Variants in AGMO observed in about 807,000 individuals in gnomAD.
The protein encoded by AGMO is glyceryl-ether monooxygenase.
Under a neutral mutation model 60.2 loss-of-function variants are expected in AGMO, and 75 were observed. That is an observed-to-expected ratio of 1.25 (90% confidence interval 1.03 to 1.51). The LOEUF (loss-of-function observed/expected upper bound fraction) is 1.51, where lower values mean the gene tolerates loss of function less well. AGMO is among the 40% of genes most tolerant of loss of function. AGMO has a pLI of 0.00. For missense variants in AGMO, 763 were observed against 525.5 expected, an observed-to-expected ratio of 1.45 and a Z score of -4.42; for synonymous variants, 261 against 177.1, an observed-to-expected ratio of 1.47 and a Z score of -3.76.
At chr7:15,156,345 G>C in the AGMO span, among the ~76,000 whole-genome samples, 1 of 88,870 alleles carries the variant, frequency 1.1e-5, no homozygotes, top group African/African-American at 3.4e-5. Flanking sequence ...CATTAACCCT[G>C]GGAGAGGCTG....
intron 12 of AGMO, among the ~76,000 whole-genome samples, chr7:15,335,623 C>A (rs1459725205): frequency 6.6e-6 from 1 of 152,136 alleles, no homozygotes; most frequent in Non-Finnish European, 1.5e-5. Context: ...AAAATATATA[C>A]TAGCGAAGGC....
At chr7:15,227,603 A>G (rs1195409132) in intron 12 of AGMO, among the ~76,000 whole-genome samples, 1 of 152,036 alleles carries the variant, frequency 6.6e-6, no homozygotes, top group African/African-American at 2.4e-5. Context: ...AATATGGCCA[A>G]CTGGAGTCTG....
At chr7:15,553,326 A>T (rs138106989) in intron 2 of AGMO, among the ~76,000 whole-genome samples, 2,257 of 151,796 alleles carry the variant, frequency 0.015, 20 homozygotes, top group African/African-American at 0.027. Context: ...TATAATAAAA[A>T]AAATAAATAA....
chr7:15,510,239 C>T (rs1055905041), intron 3 of AGMO, among the ~76,000 whole-genome samples: 1 of 152,060 alleles, frequency 6.6e-6, no homozygotes, highest in African/African-American at 2.4e-5. Context: ...GAACATGTCT[C>T]ACTGCAGCCT....
At chr7:15,346,486 A>G (rs868041702) in intron 12 of AGMO, among the ~76,000 whole-genome samples, 2 of 151,862 alleles carry the variant, frequency 1.3e-5, no homozygotes, top group African/African-American at 4.8e-5. Flanking sequence ...ATCTTTTTTC[A>G]TTAGGATGTT....
At chr7:15,166,307 G>A in the AGMO span, among the ~76,000 whole-genome samples, 3 of 152,112 alleles carry the variant, frequency 2.0e-5, no homozygotes, top group Non-Finnish European at 2.9e-5. Flanking sequence ...GACACGTTAG[G>A]GAAGACCACA....
intron 3 of AGMO, among the ~76,000 whole-genome samples, chr7:15,487,936 CA>C (rs1237515403): frequency 6.6e-6 from 1 of 152,028 alleles, no homozygotes; most frequent in Admixed American, 6.6e-5. Context: ...TAATCTAACA[CA>C]GTCAAAAATT....
chr7:15,150,662 A>G, the AGMO span, among the ~76,000 whole-genome samples: 1 of 152,128 alleles, frequency 6.6e-6, no homozygotes, highest in Non-Finnish European at 1.5e-5. Flanking sequence ...CTACCTGATC[A>G]TGGTGAATTA....
chr7:15,555,591 CACTT>C (rs1298319905), intron 2 of AGMO, among the ~76,000 whole-genome samples: 3 of 151,866 alleles, frequency 2.0e-5, no homozygotes, highest in Non-Finnish European at 4.4e-5. Flanking sequence ...ATAAAACAAT[CACTT>C]ACTTTAATTT....
intron 12 of AGMO, among the ~76,000 whole-genome samples, chr7:15,360,601 G>A (rs973034458): frequency 2.6e-5 from 4 of 152,078 alleles, no homozygotes; most frequent in Non-Finnish European, 4.4e-5. Context: ...GGAAGAGGTG[G>A]GTTTGGCCTT....
intron 3 of AGMO, among the ~76,000 whole-genome samples, chr7:15,510,744 G>A (rs1783649515): frequency 6.7e-6 from 1 of 149,974 alleles, no homozygotes. Flanking sequence ...AAACTGTTAA[G>A]TCTCTACTTA....
chr7:15,296,650 C>T (rs1784416829), intron 12 of AGMO, among the ~76,000 whole-genome samples: 1 of 152,112 alleles, frequency 6.6e-6, no homozygotes, highest in South Asian at 2.1e-4. Flanking sequence ...GCAATACAAA[C>T]ACATTATAAA....
intron 12 of AGMO, 117 bp downstream of exon 12, chr7:15,365,397 A>AAAAAAAAAAATT: frequency 2.1e-6 from 1 of 486,326 alleles, no homozygotes; most frequent in East Asian, 3.6e-5. Context: ...AAAAAAAAAG[A>AAAAAAAAAAATT]TCAAGATTTC....
rs578104517 is a variant in AGMO at position 15,249,149 on chromosome 7, T to C, written c.1264-47790A>G. On this transcript the variant is annotated intron_variant, in intron 12 of 12. Coordinates refer to ENST00000342526, the MANE Select transcript of AGMO (RefSeq NM_001004320.2). ...ATATTTTTTCAAGAAATAGTATTCA[T>C]GTGTGTGAAATTTTTTGAAACAATC... Among the ~76,000 whole-genome samples, 6 of 152,276 alleles carry C rather than the reference T, an allele frequency of 3.9e-5. No individual in the cohort carries two copies. In the East Asian group the frequency reaches 7.7e-4, roughly 20 times the overall value.
chr7:15,161,991 T>G, the AGMO span, among the ~76,000 whole-genome samples: 1 of 152,100 alleles, frequency 6.6e-6, no homozygotes, highest in Non-Finnish European at 1.5e-5. Flanking sequence ...AATCCCCACA[T>G]GTTGAGAAAG....
chr7:15,394,855 C>A (rs1042713517), intron 5 of AGMO, among the ~76,000 whole-genome samples: 1 of 152,160 alleles, frequency 6.6e-6, no homozygotes, highest in Non-Finnish European at 1.5e-5. Flanking sequence ...CTTAGAGGCA[C>A]AATTCGAAGT....
At chr7:15,210,492 C>G (rs1781557752) in intron 12 of AGMO, among the ~76,000 whole-genome samples, 1 of 152,156 alleles carries the variant, frequency 6.6e-6, no homozygotes, top group East Asian at 1.9e-4. Context: ...TTTTAAATAA[C>G]TCATTCATGC....
chr7:15,382,491 G>C (rs1417013363), intron 10 of AGMO, among the ~76,000 whole-genome samples: 1 of 152,064 alleles, frequency 6.6e-6, no homozygotes, highest in Non-Finnish European at 1.5e-5. Context: ...ATGAAAGGAA[G>C]TTCGCTCAGA....
At chr7:15,184,047 T>A in the AGMO span, among the ~76,000 whole-genome samples, 1 of 151,930 alleles carries the variant, frequency 6.6e-6, no homozygotes, top group African/African-American at 2.4e-5. Flanking sequence ...AGCACCCTTT[T>A]ATTTAATTTA....
Sources: allele counts gnomAD v4.1 joint callset (sites outside exome capture counted in the v4.1 genomes callset), GRCh38; gene constraint gnomAD v4.1.1; transcripts MANE v1.5; gene names NCBI Gene and HGNC (gene_info 2026-07-23, HGNC 2026-07-21).